The following WASF2 variants were observed in gnomAD, a reference collection of about 807,000 sequenced individuals.
WASF2 encodes actin-binding protein WASF2.
Under a neutral mutation model 45.0 loss-of-function variants are expected in WASF2, and 14 were observed. The ratio of observed to expected loss-of-function variants is 0.31; its 90% CI spans 0.21 to 0.49. The LOEUF is 0.49. WASF2 is among the 20% of genes least tolerant of loss of function. The pLI, the probability that WASF2 is intolerant of heterozygous loss-of-function variation, is 0.99. For missense variants in WASF2, 439 were observed against 636.1 expected (o/e 0.69, Z 3.33); for synonymous variants, 200 against 236.3 (o/e 0.85, Z 1.41).
At position 27,426,169 on chromosome 1, in the gene WASF2, C is replaced by T. The variant is rs988851383; in HGVS notation, c.130+2592G>A. Among the ~76,000 whole-genome samples, 34 of 152,246 alleles carry T rather than the reference C, an allele frequency of 2.2e-4. 1 individual carries two copies. In the Middle Eastern group the frequency reaches 0.01, roughly 46 times the overall value. On this transcript the variant is annotated intron_variant, in intron 2 of 8. Coordinates refer to ENST00000618852, the MANE Select transcript of WASF2 (RefSeq NM_006990.5). ...GAGGAAGAGGGGAGAGAAATAGTTG[C>T]GATGTGTACTCTGACTATAAAAACA...
chr1:27,420,548 T>A (rs927850385), intron 2 of WASF2, among the ~76,000 whole-genome samples: 6 of 112,992 alleles, frequency 5.3e-5, no homozygotes, highest in African/African-American at 2.0e-4. Flanking sequence ...TGAGACAGAG[T>A]CTTGCTCTAT....
In WASF2 at chr1:27,468,190, A is replaced by C. The variant is rs549349617; in HGVS notation, c.-44+21796T>G. On this transcript the variant is annotated intron_variant, in intron 1 of 8. Coordinates refer to ENST00000618852, the MANE Select transcript of WASF2 (RefSeq NM_006990.5). ...AGAAGCTTGAATATTTCTGTTAGAC[A>C]ACACTCTCTAGATCTAACAACCAGT... 3.3e-5 allele frequency among the ~76,000 whole-genome samples: 5 copies of C among 152,274 alleles called. No individual in the cohort carries two copies. In the South Asian group the frequency reaches 1.0e-3, roughly 32 times the overall value.
At chr1:27,455,964 A>G (rs2017460690) in intron 1 of WASF2, among the ~76,000 whole-genome samples, 2 of 152,280 alleles carry the variant, frequency 1.3e-5, no homozygotes, top group African/African-American at 4.8e-5. Flanking sequence ...TCAAATCTTC[A>G]TAAAATTCCT....
chr1:27,455,622 C>T (rs2017456523), intron 1 of WASF2, among the ~76,000 whole-genome samples: 1 of 152,212 alleles, frequency 6.6e-6, no homozygotes, highest in Admixed American at 6.5e-5. Context: ...ACTCACTGCT[C>T]ACCACAGAAG....
chr1:27,439,877 G>A (rs968124501), intron 1 of WASF2, among the ~76,000 whole-genome samples: 3 of 152,120 alleles, frequency 2.0e-5, no homozygotes, highest in Non-Finnish European at 2.9e-5. Flanking sequence ...GTACACACCT[G>A]TAGTCCCATC....
At chr1:27,453,663 C>G (rs1023416287) in intron 1 of WASF2, among the ~76,000 whole-genome samples, 1 of 149,824 alleles carries the variant, frequency 6.7e-6, no homozygotes, top group Non-Finnish European at 1.5e-5. Context: ...GAGGCCAAGG[C>G]AGAAGGATCA....
At chr1:27,466,737 C>A (rs1474912711) in intron 1 of WASF2, among the ~76,000 whole-genome samples, 1 of 151,930 alleles carries the variant, frequency 6.6e-6, no homozygotes, top group Non-Finnish European at 1.5e-5. Context: ...TGTGGTGGTG[C>A]ATGCCTGTAG....
At position 27,478,945 on chromosome 1, in the gene WASF2, G is replaced by T. The variant is rs114197843; in HGVS notation, c.-44+11041C>A. 5.7e-3 allele frequency among the ~76,000 whole-genome samples: 861 copies of T among 151,954 alleles called. 17 individuals are homozygous for T. The highest frequency in any genetic ancestry group is 0.016 in the East Asian group (81 of 5,162). On this transcript the variant is annotated intron_variant, in intron 1 of 8. Coordinates refer to ENST00000618852, the MANE Select transcript of WASF2 (RefSeq NM_006990.5). Reference sequence around the variant, plus strand: ...TAGGTGTTTACATTTGTCAAAACTCGTCTAATTATATACTTCCATCTCACT... The same window carrying T: ...TAGGTGTTTACATTTGTCAAAACTCTTCTAATTATATACTTCCATCTCACT...
intron 1 of WASF2, among the ~76,000 whole-genome samples, chr1:27,478,285 A>C (rs1161264717): frequency 6.6e-6 from 1 of 152,004 alleles, no homozygotes; most frequent in Non-Finnish European, 1.5e-5. Flanking sequence ...CAAAAAAAAA[A>C]AAAAAAAGGA....
chr1:27,434,008 A>G (rs189590870), intron 1 of WASF2, among the ~76,000 whole-genome samples: 1 of 152,340 alleles, frequency 6.6e-6, no homozygotes, highest in East Asian at 1.9e-4. Context: ...CTATAGTGAT[A>G]TCTGCTAATT....
chr1:27,442,590 G>A (rs974863918), intron 1 of WASF2, among the ~76,000 whole-genome samples: 8 of 151,850 alleles, frequency 5.3e-5, no homozygotes, highest in African/African-American at 1.9e-4. Context: ...CAGGCGTGGT[G>A]CCTCATGCCT....
chr1:27,487,805 A>G (rs1281987163), intron 1 of WASF2, among the ~76,000 whole-genome samples: 1 of 141,004 alleles, frequency 7.1e-6, no homozygotes, highest in Admixed American at 7.9e-5. Context: ...TGTTATACAT[A>G]TATTTTATAT....
chr1:27,469,914 A>G (rs924000064), intron 1 of WASF2, among the ~76,000 whole-genome samples: 2 of 152,196 alleles, frequency 1.3e-5, no homozygotes, highest in Admixed American at 1.3e-4. Flanking sequence ...ACCACACTCC[A>G]GAGTGGGCGA....
chr1:27,448,050 G>A (rs1231416625), intron 1 of WASF2, among the ~76,000 whole-genome samples: 2 of 152,148 alleles, frequency 1.3e-5, no homozygotes, highest in Non-Finnish European at 2.9e-5. Flanking sequence ...AATAAGACTG[G>A]CTCACACACC....
intron 1 of WASF2, among the ~76,000 whole-genome samples, chr1:27,447,031 T>G (rs1340069029): frequency 6.6e-6 from 1 of 152,174 alleles, no homozygotes; most frequent in Non-Finnish European, 1.5e-5. Context: ...CTCTATCAAC[T>G]GCCTTGAAAA....
In WASF2 at chr1:27,414,050, G is replaced by A. The variant is rs994718911; in HGVS notation, c.668+783C>T. ...CAACTCTTTCCTTTTATCATTCCTAGACACCCAGCATGGGCTGGCATGGTT... is the reference window on the plus strand; with the variant it reads ...CAACTCTTTCCTTTTATCATTCCTAAACACCCAGCATGGGCTGGCATGGTT... On this transcript the variant is annotated intron_variant, in intron 6 of 8. Transcript: ENST00000618852. The surrounding 1 kb of genome is among the most constrained non-coding windows in gnomAD (Gnocchi z 4.1). Among the ~76,000 whole-genome samples the A allele has an allele frequency of 2.0e-5, 3 of 152,054 alleles. No homozygotes were observed. The highest frequency in any genetic ancestry group is 7.2e-5 in the African/African-American group (3 of 41,384).
At chr1:27,461,443 G>A (rs1053131756) in intron 1 of WASF2, among the ~76,000 whole-genome samples, 2 of 149,272 alleles carry the variant, frequency 1.3e-5, no homozygotes, top group African/African-American at 2.5e-5. Flanking sequence ...AGGCTCAGGC[G>A]ATCCTCCCAC....
intron 1 of WASF2, among the ~76,000 whole-genome samples, chr1:27,476,825 A>C (rs1304113045): frequency 1.3e-5 from 2 of 152,216 alleles, no homozygotes; most frequent in Non-Finnish European, 2.9e-5. Context: ...ATGACTCTAC[A>C]GCAACACATA....
chr1:27,454,141 GTGTGTGTGTGTGTATATATATATA>G (rs2148126591), intron 1 of WASF2, among the ~76,000 whole-genome samples: 1 of 44,806 alleles, frequency 2.2e-5, no homozygotes, highest in East Asian at 8.2e-4. Context: ...ATATATGTGT[GTGTGTGTGTGTGTATATATATATA>G]TATATATATA....
Sources: gnomAD v4.1 joint callset for allele counts (sites outside exome capture counted in the v4.1 genomes callset) on GRCh38, gnomAD v4.1.1 for gene constraint, Gnocchi (gnomAD v3.1) non-coding constraint, MANE v1.5 for transcripts, NCBI Gene and HGNC (gene_info 2026-07-23, HGNC 2026-07-21) for gene names.